WASF3: variants seen among roughly 807,000 people sequenced by gnomAD.
The protein encoded by WASF3 is WASP family member 3.
In WASF3, 11 loss-of-function variants were observed where a neutral mutation model predicts 46.6. The ratio of observed to expected loss-of-function variants is 0.24; its 90% CI spans 0.15 to 0.39. The LOEUF is 0.39. WASF3 is among the 10% of genes least tolerant of loss of function. The pLI is 1.00. For missense variants in WASF3, 576 were observed against 669.8 expected, an observed-to-expected ratio of 0.86 and a Z score of 1.55; for synonymous variants, 242 against 259.7, an observed-to-expected ratio of 0.93 and a Z score of 0.65.
rs1555246393 is a variant in WASF3, at chr13:26,559,788, T to TTTTTTCTTTCTTTC, written c.-109+1972_-109+1973insTTCTTTCTTTCTTT. On this transcript the variant is annotated intron_variant, in intron 1 of 9. Coordinates refer to ENST00000335327, the MANE Select transcript of WASF3 (RefSeq NM_006646.6). ...AGACCTTGAATCTCTTTTTCTTTTCTTTTCTTTCTTTCTTTCTTTCTTTTT... is the reference window on the plus strand; with the variant it reads ...AGACCTTGAATCTCTTTTTCTTTTCTTTTTTCTTTCTTTCTTTCTTTCTTTCTTTCTTTCTTTTT... 2.6e-3 allele frequency among the ~76,000 whole-genome samples: 211 copies of TTTTTTCTTTCTTTC among 80,518 alleles called. 3 individuals carry two copies. The highest frequency in any genetic ancestry group is 3.6e-3 in the Non-Finnish European group (153 of 41,948). The allele number at this position is 80,518 out of a possible 152,430, so 52.8% of individuals were successfully genotyped here. A position where few individuals can be genotyped will look rare whatever the true frequency, so the allele number is the denominator to read the frequency against.
At chr13:26,611,942 T>C (rs2137223494) in intron 1 of WASF3, among the ~76,000 whole-genome samples, 1 of 152,256 alleles carries the variant, frequency 6.6e-6, no homozygotes, top group South Asian at 2.1e-4. Context: ...TAATTCTTTT[T>C]AGTAGACTCA....
intron 2 of WASF3, among the ~76,000 whole-genome samples, chr13:26,615,548 C>G (rs1384232397): frequency 6.6e-6 from 1 of 152,060 alleles, no homozygotes; most frequent in Non-Finnish European, 1.5e-5. Flanking sequence ...ACCTTGTGAT[C>G]CCCCTGCCTC....
intron 1 of WASF3, chr13:26,606,854 A>G (rs1250849985): frequency 6.6e-6 from 1 of 152,120 alleles, no homozygotes; most frequent in African/African-American, 2.4e-5. Context: ...CCGAGGTTTC[A>G]CTTACCGCAG....
the WASF3 span, among the ~76,000 whole-genome samples, chr13:26,539,841 G>GT: frequency 1.3e-5 from 2 of 152,134 alleles, no homozygotes; most frequent in African/African-American, 4.8e-5. Flanking sequence ...TCTCTTACTG[G>GT]TTCACTTGCT....
chr13:26,644,725 G>A (rs536475831), intron 3 of WASF3, among the ~76,000 whole-genome samples: 1 of 152,086 alleles, frequency 6.6e-6, no homozygotes, highest in Non-Finnish European at 1.5e-5. Context: ...ATCTGGGGGT[G>A]AAAAAGCCGT....
chr13:26,590,398 AAAG>A (rs1224537198), intron 1 of WASF3, among the ~76,000 whole-genome samples: 3 of 152,196 alleles, frequency 2.0e-5, no homozygotes, highest in Admixed American at 6.5e-5. Context: ...ATTTGAGAAA[AAAG>A]AAACCCGAAA....
At chr13:26,660,194 G>GTTTTT (rs71080285) in intron 3 of WASF3, among the ~76,000 whole-genome samples, 12 of 43,374 alleles carry the variant, frequency 2.8e-4, no homozygotes, top group African/African-American at 7.4e-4. Flanking sequence ...TTTTTGTTTG[G>GTTTTT]TTTTTTTTTT....
chr13:26,666,428 C>T (rs1882772652), intron 4 of WASF3, among the ~76,000 whole-genome samples: 1 of 152,100 alleles, frequency 6.6e-6, no homozygotes, highest in Non-Finnish European at 1.5e-5. Flanking sequence ...TATTACTTTC[C>T]TTGCCATGGA....
intron 1 of WASF3, among the ~76,000 whole-genome samples, chr13:26,571,191 A>C (rs991542848): frequency 6.6e-6 from 1 of 151,908 alleles, no homozygotes; most frequent in Non-Finnish European, 1.5e-5. Context: ...TATTCCTTTG[A>C]TATATGTTAC....
At chr13:26,558,070 C>T (rs1879156792) in intron 1 of WASF3, among the ~76,000 whole-genome samples, 1 of 151,722 alleles carries the variant, frequency 6.6e-6, no homozygotes, top group African/African-American at 2.4e-5. Flanking sequence ...CACGGCGCGG[C>T]CAGGCGGCCC....
chr13:26,570,267 G>A (rs1408525763), intron 1 of WASF3, among the ~76,000 whole-genome samples: 4 of 152,108 alleles, frequency 2.6e-5, no homozygotes, highest in African/African-American at 9.7e-5. Context: ...CAGCCTGGGG[G>A]ACAAGAGCAA....
At position 26,682,733 on chromosome 13, in the gene WASF3, G is replaced by T; in HGVS notation, c.1110G>T (p.Pro370=). The T allele has an allele frequency of 6.2e-7, 1 of 1,613,754 alleles. No individual in the cohort carries two copies. Among genetic ancestry groups the T allele is most frequent in the Non-Finnish European group, 8.5e-7 (1 of 1,180,020 alleles). The part of the protein sequence containing the change: ...VSPLQMPMQP[P]FPASASSTHA... ...CTCTCCAGATGCCCATGCAGCCCCC[G>T]TTCCCTGCATCAGCCAGCTCCACGC... is the stretch of plus-strand genomic sequence containing the variant. Residue 370 remains proline (P), a synonymous_variant, in exon 9 of 10, where the codon CCG becomes CCT. Coordinates refer to ENST00000335327, the MANE Select transcript of WASF3 (RefSeq NM_006646.6). This position sits in a 1 kb window ranked among gnomAD's most constrained non-coding sequence, Gnocchi z 4.4.
At chr13:26,551,295 G>C in the WASF3 span, among the ~76,000 whole-genome samples, 2 of 152,114 alleles carry the variant, frequency 1.3e-5, no homozygotes, top group African/African-American at 4.8e-5. Flanking sequence ...GTTCTTTATA[G>C]CAGCATGAGA....
intron 1 of WASF3, among the ~76,000 whole-genome samples, chr13:26,591,644 A>G (rs968962033): frequency 6.6e-6 from 1 of 152,168 alleles, no homozygotes; most frequent in African/African-American, 2.4e-5. Flanking sequence ...AGGGTTGTGT[A>G]TTAGACATCC....
At chr13:26,572,070 G>GT (rs1437287533) in intron 1 of WASF3, among the ~76,000 whole-genome samples, 12 of 152,104 alleles carry the variant, frequency 7.9e-5, no homozygotes, top group African/African-American at 2.7e-4. Context: ...TTCTTTAATT[G>GT]TTTGAGTTAA....
At chr13:26,630,012 A>AT (rs1198623897) in intron 2 of WASF3, among the ~76,000 whole-genome samples, 1 of 151,638 alleles carries the variant, frequency 6.6e-6, no homozygotes, top group Non-Finnish European at 1.5e-5. Context: ...TTATTTATTT[A>AT]TTTTTTGAGT....
chr13:26,577,356 A>G (rs1879831734), intron 1 of WASF3: 4 of 765,094 alleles, frequency 5.2e-6, no homozygotes, highest in Non-Finnish European at 9.6e-6. Context: ...TATGCTCAGC[A>G]CCAACAGGTC....
chr13:26,648,824 T>C (rs1383461079), intron 3 of WASF3, among the ~76,000 whole-genome samples: 1 of 152,112 alleles, frequency 6.6e-6, no homozygotes, highest in African/African-American at 2.4e-5. Context: ...GCAGGAGAAT[T>C]GATGGCAAGT....
At chr13:26,541,660 T>A in the WASF3 span, among the ~76,000 whole-genome samples, 4 of 152,088 alleles carry the variant, frequency 2.6e-5, no homozygotes, top group African/African-American at 9.7e-5. Context: ...TTTTTTCTTT[T>A]TTAGAAGAAA....
Sources: gnomAD v4.1 joint callset for allele counts (sites outside exome capture counted in the v4.1 genomes callset) on GRCh38, gnomAD v4.1.1 for gene constraint, Gnocchi (gnomAD v3.1) non-coding constraint, MANE v1.5 for transcripts, NCBI Gene and HGNC (gene_info 2026-07-23, HGNC 2026-07-21) for gene names.